NF1: variants seen among roughly 807,000 people sequenced by gnomAD.
NF1 encodes neurofibromin.
Under a neutral mutation model 325.7 loss-of-function variants are expected in NF1, and 122 were observed. The ratio of observed to expected loss-of-function variants is 0.37; its 90% CI spans 0.32 to 0.44. The LOEUF (loss-of-function observed/expected upper bound fraction) is 0.44, where lower values mean the gene tolerates loss of function less well. NF1 is among the 20% of genes least tolerant of loss of function. The pLI, the probability that NF1 is intolerant of heterozygous loss-of-function variation, is 1.00. For synonymous variants in NF1, 1,091 were observed against 1,186.0 expected, an observed-to-expected ratio of 0.92 and a Z score of 1.65; for missense variants, 2,140 against 3,415.4, an observed-to-expected ratio of 0.63 and a Z score of 9.31.
intron 5 of NF1, among the ~76,000 whole-genome samples, chr17:31,179,761 C>T (rs969818830): frequency 1.3e-4 from 19 of 149,252 alleles, no homozygotes; most frequent in African/African-American, 3.2e-4. Context: ...CCAACCTGGG[C>T]GACAGAGCAA....
chr17:31,187,954 A>G (rs1175699684), intron 8 of NF1, among the ~76,000 whole-genome samples: 1 of 152,242 alleles, frequency 6.6e-6, no homozygotes, highest in Non-Finnish European at 1.5e-5. Context: ...CTGACTATCA[A>G]GATGAAATCA....
At chr17:31,184,371 C>T (rs370229746) in intron 8 of NF1, among the ~76,000 whole-genome samples, 10 of 152,100 alleles carry the variant, frequency 6.6e-5, no homozygotes, top group African/African-American at 1.7e-4. Flanking sequence ...AATGATGGGC[C>T]GGGCGCGGTG....
At position 31,334,982 on chromosome 17, in the gene NF1, A is replaced by G. The variant is rs2069607779; in HGVS notation, c.5957A>G (p.Lys1986Arg). ...DKLITMTINE[K>R]QMYPSIQAKI... Reference sequence around the variant, plus strand: ...CTGATAACAATGACCATCAATGAAAAACAGATGTACCCATCTATTCAAGCA... The same window carrying G: ...CTGATAACAATGACCATCAATGAAAGACAGATGTACCCATCTATTCAAGCA... The change falls in exon 40 of 58, where the codon AAA becomes AGA. Residue 1986 changes from lysine (K) to arginine (R), a missense_variant. By Grantham distance (26) the Lys-to-Arg change is conservative (BLOSUM62 2). Coordinates refer to ENST00000358273, the MANE Select transcript of NF1 (RefSeq NM_001042492.3). 6.2e-7 allele frequency: 1 copy of G among 1,613,456 alleles called. No individual in the cohort carries two copies. Among genetic ancestry groups the G allele is most frequent in the South Asian group, 1.1e-5 (1 of 91,054 alleles).
At chr17:31,140,005 A>G (rs1916101728) in intron 1 of NF1, among the ~76,000 whole-genome samples, 1 of 152,182 alleles carries the variant, frequency 6.6e-6, no homozygotes, top group South Asian at 2.1e-4. Flanking sequence ...GGGCAGCAAG[A>G]GGCGGTGTAA....
intron 51 of NF1, among the ~76,000 whole-genome samples, chr17:31,352,837 T>C (rs549739124): frequency 6.6e-6 from 1 of 152,218 alleles, no homozygotes. Flanking sequence ...AATAGTACTA[T>C]TTGCCGTGCT....
intron 36 of NF1, among the ~76,000 whole-genome samples, chr17:31,288,816 A>G (rs1438620865): frequency 1.3e-5 from 2 of 152,196 alleles, no homozygotes; most frequent in South Asian, 2.1e-4. Flanking sequence ...GGTGTGAGCC[A>G]TGGTGCCTGG....
At chr17:31,221,176 G>GT (rs984935822) in intron 14 of NF1, among the ~76,000 whole-genome samples, 7 of 151,320 alleles carry the variant, frequency 4.6e-5, no homozygotes, top group African/African-American at 1.5e-4. Context: ...AAGAGTTTGT[G>GT]TTTTTTTTAT....
chr17:31,316,932 T>TA (rs1288837947), intron 36 of NF1, among the ~76,000 whole-genome samples: 3 of 152,146 alleles, frequency 2.0e-5, no homozygotes, highest in African/African-American at 7.2e-5. Flanking sequence ...CCTTGAGAGT[T>TA]ACGTAAAAAT....
At chr17:31,178,400 A>G (rs969268972) in intron 5 of NF1, among the ~76,000 whole-genome samples, 2 of 152,206 alleles carry the variant, frequency 1.3e-5, no homozygotes, top group Non-Finnish European at 2.9e-5. Context: ...ACTGGTACCA[A>G]CCACTGCAAA....
At chr17:31,142,532 A>G (rs188166477) in intron 1 of NF1, among the ~76,000 whole-genome samples, 2 of 152,272 alleles carry the variant, frequency 1.3e-5, no homozygotes, top group Admixed American at 6.5e-5. Context: ...ATGGTTACAA[A>G]TGTGGTCTAA....
chr17:31,205,773 GT>G (rs1452270724), intron 11 of NF1, among the ~76,000 whole-genome samples: 1 of 151,698 alleles, frequency 6.6e-6, no homozygotes, highest in Non-Finnish European at 1.5e-5. Context: ...ATAAGTAATG[GT>G]TTTCCACATA....
At position 31,374,768 on chromosome 17, in the gene NF1, A is replaced by G. The variant is rs948924445; in HGVS notation, c.*613A>G. 3.0e-5 allele frequency: 7 copies of G among 234,166 alleles called. No homozygotes were observed. The highest frequency in any genetic ancestry group is 1.5e-4 in the African/African-American group (7 of 45,256). The allele number at this position is 234,166 out of a possible 1,614,324, so 14.5% of individuals were successfully genotyped here. A position where few individuals can be genotyped will look rare whatever the true frequency, so the allele number is the denominator to read the frequency against. On this transcript the variant is annotated 3_prime_UTR_variant, in exon 58 of 58. Coordinates refer to ENST00000358273, the MANE Select transcript of NF1 (RefSeq NM_001042492.3). ...GGAGGGCAGGGAAATTTCATATTTT[A>G]TAGTGGATTCTTAAGAAATACTAAC...
At chr17:31,122,989 G>A (rs758380107) in intron 1 of NF1, among the ~76,000 whole-genome samples, 3 of 152,110 alleles carry the variant, frequency 2.0e-5, no homozygotes, top group Non-Finnish European at 4.4e-5. Flanking sequence ...CCATTAGTAC[G>A]TGACTAAATA....
intron 29 of NF1, among the ~76,000 whole-genome samples, chr17:31,248,134 G>A (rs973667687): frequency 3.9e-5 from 6 of 151,946 alleles, no homozygotes; most frequent in Admixed American, 6.6e-5. Flanking sequence ...CCCGGGAGGC[G>A]GAGGTTGCAG....
At chr17:31,228,908 G>T in intron 20 of NF1, 117 bp from the exon 21 acceptor site, 1 of 754,804 alleles carries the variant, frequency 1.3e-6, no homozygotes, top group South Asian at 1.9e-5. Context: ...TGATTTTAAT[G>T]TATATTTTAC....
intron 39 of NF1, 144 bp downstream of exon 39, chr17:31,330,642 T>C: frequency 1.5e-6 from 1 of 670,844 alleles, no homozygotes; most frequent in Non-Finnish European, 2.5e-6. Context: ...TGTGGTATCC[T>C]GTAACTGAAG....
chr17:31,189,499 C>T (rs2066302072), intron 8 of NF1, among the ~76,000 whole-genome samples: 1 of 152,094 alleles, frequency 6.6e-6, no homozygotes, highest in Non-Finnish European at 1.5e-5. Context: ...TTTTCATCTT[C>T]CCAAAAAGAA....
chr17:31,327,897 A>G, intron 38 of NF1, 58 bp downstream of exon 38: 2 of 1,489,348 alleles, frequency 1.3e-6, no homozygotes, highest in Non-Finnish European at 1.9e-6. Flanking sequence ...TTAAAATGAG[A>G]CCATTTAATG....
rs377047122 is a variant in NF1 at position 31,350,453 on chromosome 17, A to C, written c.7457+135A>C. On this transcript the variant is annotated intron_variant, in intron 50 of 57. Transcript: ENST00000358273. Reference sequence around the variant, plus strand: ...GAGATGGCCTAGGAAGAGTAAGTGAAACTCATTTTATAAATGTGTGGTATT... The same window carrying C: ...GAGATGGCCTAGGAAGAGTAAGTGACACTCATTTTATAAATGTGTGGTATT... 1.1e-4 allele frequency: 77 copies of C among 710,850 alleles called. No individual in the cohort carries two copies. The East Asian group carries it at 1.3e-3, about 12-fold the overall frequency. 44.0% of individuals were successfully genotyped at this position (710,850 alleles called of 1,614,324 possible).
Sources: allele counts gnomAD v4.1 joint callset (sites outside exome capture counted in the v4.1 genomes callset), GRCh38; gene constraint gnomAD v4.1.1; transcripts MANE v1.5; gene names NCBI Gene and HGNC (gene_info 2026-07-23, HGNC 2026-07-21).